The following IL1B variants were observed in gnomAD, a reference collection of about 807,000 sequenced individuals.
IL1B encodes interleukin-1 beta.
Under a neutral mutation model 26.2 loss-of-function variants are expected in IL1B, and 11 were observed. The ratio of observed to expected loss-of-function variants is 0.42; its 90% confidence interval spans 0.26 to 0.70. The LOEUF (loss-of-function observed/expected upper bound fraction) is 0.70, where lower values mean the gene tolerates loss of function less well. IL1B is among the 30% of genes least tolerant of loss of function. IL1B has a pLI of 0.25. For synonymous variants in IL1B, 118 were observed against 120.8 expected (o/e 0.98, Z 0.15); for missense variants, 255 against 327.5 (o/e 0.78, Z 1.71).
Position 112,830,134 on chromosome 2 carries a change from G to A in IL1B, c.*227C>T. On this transcript the variant is annotated 3_prime_UTR_variant, in exon 7 of 7. Coordinates refer to ENST00000263341, the MANE Select transcript of IL1B (RefSeq NM_000576.3). Reference sequence around the variant, plus strand: ...TGAGTAGGAGAGGTGAGAGAGGCCTGGCTCAACAAAAGGGCTGGGGATTGG... The same window carrying A: ...TGAGTAGGAGAGGTGAGAGAGGCCTAGCTCAACAAAAGGGCTGGGGATTGG... The A allele has an allele frequency of 1.8e-6, 1 of 548,508 alleles. No individual in the cohort carries two copies. Among genetic ancestry groups the A allele is most frequent in the Non-Finnish European group, 3.3e-6 (1 of 306,132 alleles). 34.0% of individuals were successfully genotyped at this position (548,508 alleles called of 1,614,324 possible). A position where few individuals can be genotyped will look rare whatever the true frequency, so the allele number is the denominator to read the frequency against.
At chr2:112,835,036 GCGGGT>G in intron 3 of IL1B, 1 of 175,002 alleles carries the variant, frequency 5.7e-6, no homozygotes, top group Non-Finnish European at 1.2e-5. Flanking sequence ...GAGGTCCAAA[GCGGGT>G]AAAATGACTT....
At chr2:112,831,243 A>C in intron 6 of IL1B, 49 bp downstream of exon 6, 1 of 1,610,606 alleles carries the variant, frequency 6.2e-7, no homozygotes, top group South Asian at 1.1e-5. Context: ...TCTGGGAATA[A>C]GTGGTAGCAG....
intron 3 of IL1B, chr2:112,835,306 A>G (rs779584430): frequency 1.8e-5 from 10 of 542,538 alleles, no homozygotes; most frequent in African/African-American, 3.8e-5. Flanking sequence ...TCTTCCTACT[A>G]TGAAATGGGA....
chr2:112,832,793 G>A lies in IL1B; in HGVS notation c.335C>T (p.Ala112Val), dbSNP rs1476927962. The change falls in exon 5 of 7, where the codon GCT (alanine) becomes GTT (valine). Residue 112 changes from alanine to valine, a missense_variant. Physicochemically the swap from Ala to Val is moderately conservative, Grantham distance 64. Coordinates refer to ENST00000263341, the MANE Select transcript of IL1B (RefSeq NM_000576.3). ...PIFFDTWDNE[A>V]YVHDAPVRSL... Reference sequence around the variant, plus strand: ...TCGTACAGGTGCATCGTGCACATAAGCCTCGTTATCCCATGTGTCGAAGAA... The same window carrying A: ...TCGTACAGGTGCATCGTGCACATAAACCTCGTTATCCCATGTGTCGAAGAA... 5 of 1,614,186 alleles carry A rather than the reference G, an allele frequency of 3.1e-6. No individual in the cohort carries two copies. In the South Asian group the frequency reaches 4.4e-5, roughly 14 times the overall value.
Position 112,830,587 on chromosome 2 carries a change from GAA to G in IL1B, c.598-16_598-15del, listed in dbSNP as rs768507905. On this transcript the variant is annotated splice_polypyrimidine_tract_variant and intron_variant, in intron 6 of 6. Transcript: ENST00000263341. ...GGGATCTACACTCTGCAGCGAAAGA[GAA>G]AGAAGAATTTTTGTGGGGCAAGGGA... The G allele has an allele frequency of 2.5e-6, 4 of 1,596,792 alleles. No homozygotes were observed. Among genetic ancestry groups the G allele is most frequent in the Middle Eastern group, 3.3e-4 (2 of 6,034 alleles).
Position 112,833,589 on chromosome 2 carries a change from G to A in IL1B, c.100-14C>T, listed in dbSNP as rs1164379489. 9 of 1,612,408 alleles carry A rather than the reference G, an allele frequency of 5.6e-6. No homozygotes were observed. The highest frequency in any genetic ancestry group is 1.7e-4 in the Middle Eastern group (1 of 6,058). ...CTGGAAGGAGCACTGCGGAGAGAGCGAGGGAGGGAGCCTGGTGAGGTGGTC... is the reference window on the plus strand; with the variant it reads ...CTGGAAGGAGCACTGCGGAGAGAGCAAGGGAGGGAGCCTGGTGAGGTGGTC... On this transcript the variant is annotated splice_polypyrimidine_tract_variant and intron_variant, in intron 3 of 6. Coordinates refer to ENST00000263341, the MANE Select transcript of IL1B (RefSeq NM_000576.3).
At chr2:112,833,190 C>T (rs1048798260) in intron 4 of IL1B, 184 bp downstream of exon 4, 4 of 670,302 alleles carry the variant, frequency 6.0e-6, no homozygotes, top group Non-Finnish European at 1.1e-5. Context: ...CCATCAAGAT[C>T]TTCTTTAAGA....
chr2:112,832,996 C>T (rs1682019879), intron 4 of IL1B, 170 bp from the exon 5 acceptor site: 1 of 693,266 alleles, frequency 1.4e-6, no homozygotes, highest in South Asian at 1.6e-5. Context: ...AACACTGGAC[C>T]TGACACTATT....
intron 6 of IL1B, 93 bp from the exon 7 acceptor site, chr2:112,830,666 C>T (rs938124318): frequency 9.7e-5 from 86 of 890,344 alleles, no homozygotes; most frequent in African/African-American, 8.7e-4. Flanking sequence ...AGGAAACTGA[C>T]GAGCAGGTCA....
At chr2:112,835,472 T>C in intron 3 of IL1B, 94 bp downstream of exon 3, 3 of 995,980 alleles carry the variant, frequency 3.0e-6, no homozygotes, top group Non-Finnish European at 4.9e-6. Context: ...TAAAACAAAA[T>C]ACCATGGCAT....
intron 2 of IL1B, among the ~76,000 whole-genome samples, 192 bp downstream of exon 2, chr2:112,835,991 G>A (rs1682081696): frequency 6.6e-6 from 1 of 152,206 alleles, no homozygotes; most frequent in Admixed American, 6.5e-5. Context: ...CAACACATCT[G>A]GATAGCCTCC....
intron 1 of IL1B, 123 bp downstream of exon 1, chr2:112,836,585 G>T: frequency 3.2e-6 from 1 of 308,218 alleles, no homozygotes; most frequent in Non-Finnish European, 6.5e-6. Context: ...GAGGCAGAGA[G>T]GGAAGGAGAG....
chr2:112,831,435 G>A lies in IL1B; in HGVS notation c.467-13C>T, dbSNP rs760412054. On this transcript the variant is annotated splice_polypyrimidine_tract_variant and intron_variant, in intron 5 of 6. Coordinates refer to ENST00000263341, the MANE Select transcript of IL1B (RefSeq NM_000576.3). ...ATGGAGAACACCACTGAAGAAAGAA[G>A]GGGGTCTTGTGGTTAGGGACACAGC... The A allele has an allele frequency of 5.0e-6, 8 of 1,612,622 alleles. No homozygotes were observed. Among genetic ancestry groups the A allele is most frequent in the Admixed American group, 3.3e-5 (2 of 59,966 alleles).
Position 112,836,613 on chromosome 2 carries a change from A to AAG in IL1B, c.-16+93_-16+94dup, listed in dbSNP as rs3917347. ...AAGGAGAGGGAGAGACAGAGAAAGA[A>AAG]AGAGAGAGAGAGAGAGAATATGCAT... On this transcript the variant is annotated intron_variant, in intron 1 of 6. Transcript: ENST00000263341. 1,286 of 284,794 alleles carry AAG rather than the reference A, an allele frequency of 4.5e-3. 19 individuals are homozygous for AAG. The highest frequency in any genetic ancestry group is 0.025 in the African/African-American group (1,136 of 45,566). 17.6% of individuals were successfully genotyped at this position (284,794 alleles called of 1,614,324 possible). A position where few individuals can be genotyped will look rare whatever the true frequency, so the allele number is the denominator to read the frequency against.
At chr2:112,831,259 T>C in intron 6 of IL1B, 33 bp downstream of exon 6, 1 of 1,613,222 alleles carries the variant, frequency 6.2e-7, no homozygotes. Context: ...AGCAGGAGGC[T>C]GAGAAGGGCT....
intron 1 of IL1B, 60 bp from the exon 2 acceptor site, chr2:112,836,304 C>A: frequency 1.6e-6 from 2 of 1,239,282 alleles, no homozygotes; most frequent in Non-Finnish European, 2.4e-6. Flanking sequence ...TGTGTGATTT[C>A]TCTCAGCATC....
Position 112,831,328 on chromosome 2 carries a change from G to T in IL1B, c.561C>A (p.Cys187Ter), listed in dbSNP as rs912767204. 2.5e-6 allele frequency: 4 copies of T among 1,613,798 alleles called. No homozygotes were observed. Among genetic ancestry groups the T allele is most frequent in the Non-Finnish European group, 3.4e-6 (4 of 1,179,904 alleles). Reference sequence around the variant, plus strand: ...GAGTGGGCTTATCATCTTTCAACACGCAGGACAGGTACAGATTCTTTTCCT... The same window carrying T: ...GAGTGGGCTTATCATCTTTCAACACTCAGGACAGGTACAGATTCTTTTCCT... ...GLKEKNLYLS[C>*]VLKDDKPTLQ... Residue 187 changes from cysteine to a stop codon, truncating the protein, a stop_gained, in exon 6 of 7, where the codon TGC (cysteine) becomes TGA (stop). Coordinates refer to ENST00000263341, the MANE Select transcript of IL1B (RefSeq NM_000576.3). LOFTEE classifies it low-confidence loss of function (END_TRUNC).
intron 6 of IL1B, 107 bp from the exon 7 acceptor site, chr2:112,830,680 G>T: frequency 2.5e-6 from 2 of 793,824 alleles, no homozygotes; most frequent in Non-Finnish European, 4.4e-6. Context: ...CAGGTCACAT[G>T]ATCAGGAGCC....
chr2:112,833,381 A>C lies in IL1B; in HGVS notation c.294T>G (p.Phe98Leu). The change falls in exon 4 of 7, where the codon TTT becomes TTG. Residue 98 changes from phenylalanine (F) to leucine (L), a missense_variant. Transcript: ENST00000263341. ...CTGCTCTTGGCTAACTACCTTCTTC[A>C]AAGATGAAGGGAAAGAAGGTGCTCA... ...NDLSTFFPFI[F>L]EEEPIFFDTW... is the part of the protein sequence containing the mutation. 1 of 1,614,014 alleles carries C rather than the reference A, an allele frequency of 6.2e-7. No homozygotes were observed. The highest frequency in any genetic ancestry group is 8.5e-7 in the Non-Finnish European group (1 of 1,179,902).
Sources: gnomAD v4.1 joint callset for allele counts (sites outside exome capture counted in the v4.1 genomes callset) on GRCh38, gnomAD v4.1.1 for gene constraint, MANE v1.5 for transcripts, NCBI Gene and HGNC (gene_info 2026-07-23, HGNC 2026-07-21) for gene names.